MEI4: variants seen among roughly 807,000 people sequenced by gnomAD.
The protein encoded by MEI4 is meiosis-specific protein MEI4.
A neutral mutation model predicts 31.4 loss-of-function variants in MEI4; 27 were observed. The ratio of observed to expected loss-of-function variants is 0.86; its 90% CI spans 0.63 to 1.19. The LOEUF (loss-of-function observed/expected upper bound fraction) is 1.19, where lower values mean the gene tolerates loss of function less well. Ranked by LOEUF, MEI4 falls within the 50% of genes most tolerant of loss-of-function variation. The pLI, the probability that MEI4 is intolerant of heterozygous loss-of-function variation, is 0.00. For synonymous variants in MEI4, 122 were observed against 145.4 expected (o/e 0.84, Z 1.16); for missense variants, 329 against 398.9 (o/e 0.82, Z 1.49).
At chr6:77,690,067 G>A (rs1369866336) in intron 1 of MEI4, among the ~76,000 whole-genome samples, 2 of 151,986 alleles carry the variant, frequency 1.3e-5, no homozygotes, top group South Asian at 4.1e-4. Context: ...AAGAATCAGA[G>A]TAGACTCGCA....
Position 77,923,651 on chromosome 6 carries a change from T to TTAAAAGATATTGAAGTTG in MEI4, c.*314_*331dup, listed in dbSNP as rs1321186479. 6.7e-5 allele frequency: 12 copies of TTAAAAGATATTGAAGTTG among 179,024 alleles called. No individual in the cohort carries two copies. The highest frequency in any genetic ancestry group is 2.3e-4 in the African/African-American group (10 of 42,716). 11.1% of individuals were successfully genotyped at this position (179,024 alleles called of 1,614,324 possible). On this transcript the variant is annotated 3_prime_UTR_variant, in exon 5 of 5. Transcript: ENST00000684080. ...AAATGGACCATTAATTGTCTGTCCC[T>TTAAAAGATATTGAAGTTG]TAAAAGATATTGAAGTTGTAAAAGA...
At chr6:77,742,190 C>G (rs567026715) in intron 2 of MEI4, among the ~76,000 whole-genome samples, 2 of 151,932 alleles carry the variant, frequency 1.3e-5, no homozygotes, top group African/African-American at 4.8e-5. Context: ...CCTGAGGAAT[C>G]GCCACACTGA....
At chr6:77,887,323 C>CT (rs1491423272) in intron 4 of MEI4, among the ~76,000 whole-genome samples, 2 of 151,458 alleles carry the variant, frequency 1.3e-5, no homozygotes, top group Non-Finnish European at 2.9e-5. Flanking sequence ...TGGAGTCTCA[C>CT]TTTTGTCGCC....
At position 77,745,511 on chromosome 6, in the gene MEI4, A is replaced by G. The variant is rs150519764; in HGVS notation, c.233-15619A>G. Among the ~76,000 whole-genome samples the G allele has an allele frequency of 2.8e-3, 422 of 152,334 alleles. 5 individuals carry two copies. Among genetic ancestry groups the G allele is most frequent in the Middle Eastern group, 0.017 (5 of 294 alleles). On this transcript the variant is annotated intron_variant, in intron 2 of 4. Coordinates refer to ENST00000684080, the MANE Select transcript of MEI4 (RefSeq NM_001322247.2). ...TACATAGAGACTTAGACTCCCACAC[A>G]TTAATAATGGGAGACTTTAATACCC... is the stretch of plus-strand genomic sequence containing the variant.
chr6:77,747,695 A>C (rs972576816), intron 2 of MEI4, among the ~76,000 whole-genome samples: 1 of 152,178 alleles, frequency 6.6e-6, no homozygotes, highest in Admixed American at 6.5e-5. Flanking sequence ...CTCAAGTCTC[A>C]TATTCTTCTC....
At chr6:77,766,425 T>C (rs1311070238) in intron 3 of MEI4, among the ~76,000 whole-genome samples, 1 of 152,162 alleles carries the variant, frequency 6.6e-6, no homozygotes, top group African/African-American at 2.4e-5. Context: ...TATTTATTTA[T>C]TTTTTTGAGA....
intron 2 of MEI4, among the ~76,000 whole-genome samples, chr6:77,731,925 A>G (rs1767007630): frequency 2.0e-5 from 3 of 151,274 alleles, no homozygotes; most frequent in South Asian, 2.1e-4. Flanking sequence ...TTTGTCAAAG[A>G]TCAGATAGTT....
intron 3 of MEI4, among the ~76,000 whole-genome samples, chr6:77,793,271 G>A (rs1420115131): frequency 6.6e-6 from 1 of 152,088 alleles, no homozygotes; most frequent in African/African-American, 2.4e-5. Flanking sequence ...AAAGAAAAAA[G>A]GCAACCAAGA....
intron 3 of MEI4, among the ~76,000 whole-genome samples, chr6:77,785,428 C>T (rs1768710549): frequency 6.6e-6 from 1 of 152,012 alleles, no homozygotes; most frequent in Admixed American, 6.6e-5. Context: ...GCAATAAACT[C>T]TTTGGAATGG....
At chr6:77,849,902 A>G (rs1409893555) in intron 4 of MEI4, among the ~76,000 whole-genome samples, 1 of 152,198 alleles carries the variant, frequency 6.6e-6, no homozygotes, top group Non-Finnish European at 1.5e-5. Flanking sequence ...CCCATGTGGC[A>G]TATTGGTTTT....
intron 3 of MEI4, among the ~76,000 whole-genome samples, chr6:77,781,733 G>A (rs1768601962): frequency 1.3e-5 from 2 of 152,072 alleles, no homozygotes; most frequent in African/African-American, 2.4e-5. Flanking sequence ...TCATTTTGCA[G>A]ATGAGGCATA....
intron 4 of MEI4, among the ~76,000 whole-genome samples, chr6:77,885,705 T>C (rs1041194834): frequency 4.6e-5 from 7 of 152,184 alleles, no homozygotes; most frequent in Non-Finnish European, 5.9e-5. Context: ...CAGTACTATG[T>C]TGAATAGGTA....
At chr6:77,664,586 C>T (rs901210488) in intron 1 of MEI4, among the ~76,000 whole-genome samples, 8 of 151,866 alleles carry the variant, frequency 5.3e-5, no homozygotes, top group Non-Finnish European at 7.4e-5. Context: ...GAATTGGGAC[C>T]TAGCTCGGCC....
intron 2 of MEI4, among the ~76,000 whole-genome samples, chr6:77,698,743 G>A (rs542758515): frequency 6.6e-6 from 1 of 152,174 alleles, no homozygotes; most frequent in South Asian, 2.1e-4. Context: ...ACAATTATGT[G>A]TCTTGGAGTT....
At chr6:77,854,588 T>C (rs577661024) in intron 4 of MEI4, among the ~76,000 whole-genome samples, 2 of 152,276 alleles carry the variant, frequency 1.3e-5, no homozygotes, top group South Asian at 4.1e-4. Flanking sequence ...ATGTGTAATC[T>C]ACCCTAGTAG....
At chr6:77,832,241 G>A (rs565924597) in intron 4 of MEI4, among the ~76,000 whole-genome samples, 7 of 151,722 alleles carry the variant, frequency 4.6e-5, no homozygotes, top group South Asian at 2.1e-4. Context: ...TTTCTCTGTC[G>A]ATATAAAGAA....
At chr6:77,806,908 A>G (rs958087142) in intron 3 of MEI4, among the ~76,000 whole-genome samples, 10 of 152,280 alleles carry the variant, frequency 6.6e-5, no homozygotes, top group African/African-American at 2.4e-4. Flanking sequence ...TTGTACCACA[A>G]TGGCAGAGTT....
chr6:77,831,800 A>G (rs1770089847), intron 4 of MEI4, among the ~76,000 whole-genome samples: 1 of 152,018 alleles, frequency 6.6e-6, no homozygotes, highest in South Asian at 2.1e-4. Context: ...ACGGTTAGAT[A>G]GAAGGAAAAA....
chr6:77,796,787 C>T (rs1769088923), intron 3 of MEI4, among the ~76,000 whole-genome samples: 1 of 152,110 alleles, frequency 6.6e-6, no homozygotes, highest in Non-Finnish European at 1.5e-5. Context: ...AGATTCAGTG[C>T]CATCCACATT....
Sources: gnomAD v4.1 joint callset for allele counts (sites outside exome capture counted in the v4.1 genomes callset) on GRCh38, gnomAD v4.1.1 for gene constraint, MANE v1.5 for transcripts, NCBI Gene and HGNC (gene_info 2026-07-23, HGNC 2026-07-21) for gene names.